The following PLCL1 variants were observed in gnomAD, a reference collection of about 807,000 sequenced individuals.
PLCL1 encodes inactive phospholipase C-like protein 1.
Under a neutral mutation model 84.4 loss-of-function variants are expected in PLCL1, and 41 were observed. That is an observed-to-expected ratio of 0.49 (90% CI 0.38 to 0.63). PLCL1 has a LOEUF of 0.63. Among genes scored for constraint, PLCL1 ranks in the 30% least tolerant of loss-of-function variants. The probability of loss-of-function intolerance (pLI) is 0.00; values close to 1 mark genes in which losing one functional copy is unlikely to be tolerated. For missense variants in PLCL1, 1,206 were observed against 1,367.8 expected, an observed-to-expected ratio of 0.88 and a Z score of 1.87; for synonymous variants, 490 against 488.3, an observed-to-expected ratio of 1.00 and a Z score of -0.05.
At chr2:197,898,583 G>T (rs549908400) in intron 1 of PLCL1, among the ~76,000 whole-genome samples, 4 of 151,768 alleles carry the variant, frequency 2.6e-5, no homozygotes, top group South Asian at 4.2e-4. Flanking sequence ...ATGCCCAAGA[G>T]AACCCTCATG....
chr2:197,904,097 C>T (rs544658442), intron 1 of PLCL1, among the ~76,000 whole-genome samples: 1 of 152,302 alleles, frequency 6.6e-6, no homozygotes, highest in African/African-American at 2.4e-5. Flanking sequence ...GCCACCATAC[C>T]TGGCCCAAAA....
chr2:197,925,452 A>G (rs1469334895), intron 1 of PLCL1, among the ~76,000 whole-genome samples: 1 of 152,092 alleles, frequency 6.6e-6, no homozygotes, highest in Non-Finnish European at 1.5e-5. Context: ...CAGATTTAAC[A>G]TTTTCAGTTT....
intron 1 of PLCL1, among the ~76,000 whole-genome samples, chr2:197,809,584 C>T (rs1690542208): frequency 6.6e-6 from 1 of 152,152 alleles, no homozygotes; most frequent in African/African-American, 2.4e-5. Context: ...CTTGAAAAGA[C>T]AGAGCAATCT....
At chr2:197,946,886 T>C (rs1163398214) in intron 1 of PLCL1, among the ~76,000 whole-genome samples, 2 of 152,038 alleles carry the variant, frequency 1.3e-5, no homozygotes, top group African/African-American at 4.8e-5. Flanking sequence ...TTTGGTTGGG[T>C]TTTGAGATTG....
At chr2:197,898,922 C>A (rs553984270) in intron 1 of PLCL1, among the ~76,000 whole-genome samples, 1 of 151,956 alleles carries the variant, frequency 6.6e-6, no homozygotes, top group African/African-American at 2.4e-5. Flanking sequence ...ACCTGCCGTT[C>A]GATAAAGACT....
intron 1 of PLCL1, among the ~76,000 whole-genome samples, chr2:198,035,500 GT>G (rs905301977): frequency 6.6e-6 from 1 of 152,006 alleles, no homozygotes; most frequent in Non-Finnish European, 1.5e-5. Flanking sequence ...TTTGTTTTTG[GT>G]TTTTTTCCAT....
intron 1 of PLCL1, among the ~76,000 whole-genome samples, chr2:197,946,270 T>A (rs1188022807): frequency 6.6e-6 from 1 of 152,164 alleles, no homozygotes; most frequent in Non-Finnish European, 1.5e-5. Flanking sequence ...CATATTTGAC[T>A]AAATAAAATT....
chr2:198,053,303 C>G (rs1324120843), intron 1 of PLCL1, among the ~76,000 whole-genome samples: 1 of 152,238 alleles, frequency 6.6e-6, no homozygotes, highest in East Asian at 1.9e-4. Context: ...GATTTCCTAG[C>G]TCTTTCCCAG....
rs373032607 is a variant in PLCL1 at position 197,918,984 on chromosome 2, T to C, written c.240+113645T>C. 4.5e-3 allele frequency among the ~76,000 whole-genome samples: 455 copies of C among 101,138 alleles called. 1 individual carries two copies. The highest frequency in any genetic ancestry group is 9.4e-3 in the African/African-American group (295 of 31,532). 66.4% of individuals were successfully genotyped at this position (101,138 alleles called of 152,430 possible). ...TCTCTCTCTCCCTCACACACACACA[T>C]ACACACACAAAGTAAAATAATGACT... On this transcript the variant is annotated intron_variant, in intron 1 of 5. Coordinates refer to ENST00000428675, the MANE Select transcript of PLCL1 (RefSeq NM_006226.4).
At position 198,084,816 on chromosome 2, in the gene PLCL1, A is replaced by C. The variant is rs748201205; in HGVS notation, c.1299A>C (p.Arg433Ser). 3.1e-6 allele frequency: 5 copies of C among 1,614,082 alleles called. No individual in the cohort carries two copies. The South Asian group carries it at 5.5e-5, about 18-fold the overall frequency. Residue 433 changes from arginine (R) to serine (S), a missense_variant, in exon 2 of 6, where the codon AGA becomes AGC. Arg to Ser is a moderately radical substitution (Grantham distance 110). Transcript: ENST00000428675. Reference protein sequence around the residue: ...RGPADINGYIRALKMGCRSVE... With the variant: ...RGPADINGYISALKMGCRSVE... ...CAGCTGACATCAATGGGTACATTAGAGCTTTGAAAATGGGCTGTCGAAGCG... is the reference window on the plus strand; with the variant it reads ...CAGCTGACATCAATGGGTACATTAGCGCTTTGAAAATGGGCTGTCGAAGCG...
intron 1 of PLCL1, among the ~76,000 whole-genome samples, chr2:197,899,393 A>G (rs925479169): frequency 6.6e-6 from 1 of 152,076 alleles, no homozygotes; most frequent in Non-Finnish European, 1.5e-5. Flanking sequence ...TCACTGTCTG[A>G]ATACCTACTG....
At chr2:198,071,253 A>G (rs1692457993) in intron 1 of PLCL1, among the ~76,000 whole-genome samples, 1 of 151,900 alleles carries the variant, frequency 6.6e-6, no homozygotes. Flanking sequence ...TGTTTAGTTT[A>G]TTAGTTTATA....
chr2:197,947,487 G>T (rs1689304859), intron 1 of PLCL1, among the ~76,000 whole-genome samples: 1 of 152,042 alleles, frequency 6.6e-6, no homozygotes, highest in South Asian at 2.1e-4. Context: ...ATCCTGGAAA[G>T]CCTCTGCAAA....
rs1216565232 is a variant in PLCL1, at chr2:198,085,558, C to T, written c.2041C>T (p.His681Tyr). 1.2e-6 allele frequency: 2 copies of T among 1,613,948 alleles called. No individual in the cohort carries two copies. The highest frequency in any genetic ancestry group is 2.2e-5 in the East Asian group (1 of 44,874). ...GACTCCGGGTCCAATGATGGACCTT[C>T]ACACGGGCTGGTTTCTTCAAAACGG... Reference protein sequence around the residue: ...FQTPGPMMDLHTGWFLQNGGC... With the variant: ...FQTPGPMMDLYTGWFLQNGGC... The change falls in exon 2 of 6, where the codon CAC becomes TAC. Residue 681 changes from histidine to tyrosine, a missense_variant. Transcript: ENST00000428675. This position sits in a 1 kb window ranked among gnomAD's most constrained non-coding sequence, Gnocchi z 5.3.
At chr2:198,031,922 A>T (rs1174785739) in intron 1 of PLCL1, among the ~76,000 whole-genome samples, 2 of 152,126 alleles carry the variant, frequency 1.3e-5, no homozygotes, top group Non-Finnish European at 2.9e-5. Context: ...TGAGAGCACA[A>T]ATCTTATAGC....
At position 198,084,568 on chromosome 2, in the gene PLCL1, G is replaced by A. The variant is rs1450051784; in HGVS notation, c.1051G>A (p.Asp351Asn). ...AEQGVTHITE[D>N]ICLDIIRRYE... ...GCAAGGAGTCACCCATATCACCGAGGATATATGCTTAGACATCATAAGGAG... is the reference window on the plus strand; with the variant it reads ...GCAAGGAGTCACCCATATCACCGAGAATATATGCTTAGACATCATAAGGAG... Residue 351 changes from aspartate to asparagine, a missense_variant, in exon 2 of 6, where the codon GAT becomes AAT. Transcript: ENST00000428675. 4 of 1,613,638 alleles carry A rather than the reference G, an allele frequency of 2.5e-6. No individual in the cohort carries two copies. In the Admixed American group the frequency reaches 5.0e-5, roughly 20 times the overall value.
At chr2:197,924,924 A>T (rs1418623552) in intron 1 of PLCL1, among the ~76,000 whole-genome samples, 1 of 152,156 alleles carries the variant, frequency 6.6e-6, no homozygotes, top group Non-Finnish European at 1.5e-5. Context: ...AGGAATGCAA[A>T]TTTCTAGCTG....
At chr2:197,939,717 CTTTTTT>C (rs869135841) in intron 1 of PLCL1, among the ~76,000 whole-genome samples, 9 of 112,186 alleles carry the variant, frequency 8.0e-5, no homozygotes, top group Admixed American at 5.7e-4. Context: ...CTTCAACAGA[CTTTTTT>C]TTTTTTTTTT....
At chr2:197,856,845 A>G (rs1574915101) in intron 1 of PLCL1, among the ~76,000 whole-genome samples, 2 of 152,202 alleles carry the variant, frequency 1.3e-5, no homozygotes, top group East Asian at 3.8e-4. Flanking sequence ...AATATTCTTC[A>G]TTACCTTTAT....
Sources: allele counts gnomAD v4.1 joint callset (sites outside exome capture counted in the v4.1 genomes callset), GRCh38; gene constraint gnomAD v4.1.1; non-coding constraint Gnocchi (gnomAD v3.1); transcripts MANE v1.5; gene names NCBI Gene and HGNC (gene_info 2026-07-23, HGNC 2026-07-21).